DSCAM: variants seen among roughly 807,000 people sequenced by gnomAD.
DSCAM encodes cell adhesion molecule DSCAM.
DSCAM carries 47 observed loss-of-function variants against 217.7 expected under a neutral mutation model. That is an observed-to-expected ratio of 0.22 (90% CI 0.17 to 0.28). The LOEUF (loss-of-function observed/expected upper bound fraction) is 0.28. Among genes scored for constraint, DSCAM ranks in the 10% least tolerant of loss-of-function variants. DSCAM has a pLI of 1.00. For missense variants in DSCAM, 2,080 were observed against 2,618.3 expected (o/e 0.79, Z 4.49); for synonymous variants, 1,056 against 1,015.3 (o/e 1.04, Z -0.76).
chr21:40,136,215 T>C (rs963173541), intron 18 of DSCAM, among the ~76,000 whole-genome samples: 5 of 152,230 alleles, frequency 3.3e-5, no homozygotes, highest in African/African-American at 4.8e-5. Flanking sequence ...TACTTGGTTG[T>C]CCCAGATGGA....
intron 16 of DSCAM, among the ~76,000 whole-genome samples, chr21:40,152,467 C>T (rs1287743390): frequency 6.6e-6 from 1 of 152,204 alleles, no homozygotes; most frequent in Non-Finnish European, 1.5e-5. Flanking sequence ...TCATTTCTTT[C>T]ATTTATCTGC....
chr21:40,810,290 T>G (rs570663704), intron 1 of DSCAM, among the ~76,000 whole-genome samples: 23 of 152,260 alleles, frequency 1.5e-4, no homozygotes, highest in African/African-American at 4.8e-4. Context: ...GGAAGGAGTG[T>G]GTGGTAATCT....
intron 1 of DSCAM, among the ~76,000 whole-genome samples, chr21:40,782,444 CTGGT>C (rs1372126923): frequency 2.6e-5 from 4 of 151,896 alleles, no homozygotes; most frequent in Non-Finnish European, 5.9e-5. Flanking sequence ...AAATTACCTC[CTGGT>C]TGGGCGCAGT....
chr21:40,124,772 G>C (rs550251583), intron 19 of DSCAM, among the ~76,000 whole-genome samples: 107 of 152,182 alleles, frequency 7.0e-4, no homozygotes, highest in African/African-American at 2.6e-3. Context: ...TGGACTTCTG[G>C]CCTCCAGAAC....
At chr21:40,648,147 G>A (rs2089970839) in intron 3 of DSCAM, among the ~76,000 whole-genome samples, 1 of 152,066 alleles carries the variant, frequency 6.6e-6, no homozygotes, top group African/African-American at 2.4e-5. Context: ...AATAACTGCT[G>A]TGCTGCATGT....
At chr21:40,136,741 C>T (rs895145412) in intron 18 of DSCAM, among the ~76,000 whole-genome samples, 47 of 152,132 alleles carry the variant, frequency 3.1e-4, no homozygotes, top group Admixed American at 2.9e-3. Context: ...AAAGTAGGAT[C>T]ATTTCACAAT....
intron 1 of DSCAM, among the ~76,000 whole-genome samples, chr21:40,806,915 A>G (rs985749306): frequency 6.6e-6 from 1 of 152,068 alleles, no homozygotes; most frequent in Non-Finnish European, 1.5e-5. Flanking sequence ...AACAATGAGA[A>G]CACATGGACA....
intron 10 of DSCAM, among the ~76,000 whole-genome samples, chr21:40,279,727 A>T (rs151145635): frequency 4.0e-4 from 61 of 152,322 alleles, no homozygotes; most frequent in African/African-American, 1.4e-3. Context: ...AACCAATCCA[A>T]ATGCCCATCA....
At chr21:40,141,115 C>T (rs1451945870) in intron 18 of DSCAM, among the ~76,000 whole-genome samples, 1 of 152,234 alleles carries the variant, frequency 6.6e-6, no homozygotes, top group Admixed American at 6.5e-5. Flanking sequence ...TTGTGCTGCT[C>T]ATGTGTCTTC....
intron 1 of DSCAM, among the ~76,000 whole-genome samples, chr21:40,829,764 G>A (rs1024134370): frequency 1.3e-5 from 2 of 152,190 alleles, no homozygotes; most frequent in African/African-American, 4.8e-5. Context: ...GACACATGCT[G>A]CACGTTGGGA....
At chr21:40,729,033 G>A (rs1008930088) in intron 1 of DSCAM, among the ~76,000 whole-genome samples, 4 of 152,168 alleles carry the variant, frequency 2.6e-5, no homozygotes, top group Admixed American at 2.6e-4. Flanking sequence ...ATCACCAAGT[G>A]CATTATCAAA....
At chr21:40,651,377 G>A (rs2090011625) in intron 3 of DSCAM, among the ~76,000 whole-genome samples, 1 of 152,158 alleles carries the variant, frequency 6.6e-6, no homozygotes. Context: ...CCATCTACAT[G>A]GTTCAAAAGT....
At chr21:40,083,791 C>T (rs571819686) in intron 24 of DSCAM, 117 bp downstream of exon 24, 87 of 643,844 alleles carry the variant, frequency 1.4e-4, no homozygotes, top group Non-Finnish European at 1.7e-4. Context: ...GTTTATATGA[C>T]GTATTTTTGG....
intron 1 of DSCAM, among the ~76,000 whole-genome samples, chr21:40,746,926 A>T (rs2091180462): frequency 6.6e-6 from 1 of 151,988 alleles, no homozygotes; most frequent in Admixed American, 6.6e-5. Context: ...TCAAAACTGT[A>T]AAACTTCATG....
intron 10 of DSCAM, among the ~76,000 whole-genome samples, chr21:40,292,338 T>A (rs1178570323): frequency 1.3e-5 from 2 of 152,084 alleles, no homozygotes; most frequent in Non-Finnish European, 2.9e-5. Context: ...GTTTATACAG[T>A]TTTGTCATTT....
chr21:40,438,277 C>T (rs182822702), intron 3 of DSCAM, among the ~76,000 whole-genome samples: 2 of 152,132 alleles, frequency 1.3e-5, no homozygotes, highest in East Asian at 3.9e-4. Flanking sequence ...TGATATTGTC[C>T]AAAGTAAAAC....
chr21:40,378,404 G>A (rs1236369479), intron 3 of DSCAM, among the ~76,000 whole-genome samples: 1 of 151,982 alleles, frequency 6.6e-6, no homozygotes, highest in Non-Finnish European at 1.5e-5. Flanking sequence ...ATTTTTGAAG[G>A]GCAACTTGCC....
chr21:40,337,127 G>A (rs1030920488), intron 8 of DSCAM, among the ~76,000 whole-genome samples: 9 of 151,990 alleles, frequency 5.9e-5, no homozygotes, highest in Non-Finnish European at 8.8e-5. Context: ...GTCTGTATGC[G>A]TTCTCACAAA....
intron 1 of DSCAM, among the ~76,000 whole-genome samples, chr21:40,837,961 G>A (rs2092070129): frequency 6.6e-6 from 1 of 152,144 alleles, no homozygotes; most frequent in Non-Finnish European, 1.5e-5. Flanking sequence ...ACTGGGACTT[G>A]GATTTTCTGT....
Sources: allele counts gnomAD v4.1 joint callset (sites outside exome capture counted in the v4.1 genomes callset), GRCh38; gene constraint gnomAD v4.1.1; transcripts MANE v1.5; gene names NCBI Gene and HGNC (gene_info 2026-07-23, HGNC 2026-07-21).